Variants in IL23R observed in about 807,000 individuals in gnomAD.
IL23R encodes interleukin 23 receptor.
Under a neutral mutation model 56.9 loss-of-function variants are expected in IL23R, and 34 were observed. That is an observed-to-expected ratio of 0.60 (90% CI 0.45 to 0.80). IL23R has a LOEUF of 0.80. Ranked by LOEUF, IL23R falls within the 30% of genes least tolerant of loss-of-function variation. IL23R has a pLI of 0.00. For missense variants in IL23R, 635 were observed against 730.0 expected (o/e 0.87, Z 1.50); for synonymous variants, 230 against 249.2 (o/e 0.92, Z 0.73).
At chr1:67,260,709 A>G (rs1342536164), downstream of IL23R, among the ~76,000 whole-genome samples, 1 of 152,184 alleles carries the variant, frequency 6.6e-6, no homozygotes, top group Non-Finnish European at 1.5e-5. Flanking sequence ...ATGGGCAAGG[A>G]CAACTTTTCT....
chr1:67,240,426 G>A, intron 9 of IL23R, 145 bp downstream of exon 9: 2 of 659,600 alleles, frequency 3.0e-6, no homozygotes, highest in Non-Finnish European at 5.4e-6. Flanking sequence ...TGTTTAATAA[G>A]TACTTACCCA....
intron 6 of IL23R, among the ~76,000 whole-genome samples, chr1:67,217,354 G>A (rs1649914496): frequency 6.6e-6 from 1 of 152,080 alleles, no homozygotes; most frequent in Admixed American, 6.5e-5. Flanking sequence ...TACTTGCAGG[G>A]CCCTAAGCAG....
chr1:67,182,685 A>G (rs1647166841), intron 3 of IL23R, 151 bp from the exon 4 acceptor site: 1 of 789,182 alleles, frequency 1.3e-6, no homozygotes, highest in African/African-American at 1.7e-5. Context: ...TGAACCCGGT[A>G]CCTCAGTTGG....
chr1:67,201,679 G>T (rs1648653060), intron 5 of IL23R, among the ~76,000 whole-genome samples: 1 of 151,306 alleles, frequency 6.6e-6, no homozygotes, highest in Non-Finnish European at 1.5e-5. Flanking sequence ...AGGTTTTTTT[G>T]TTTGTTTGTT....
intron 6 of IL23R, among the ~76,000 whole-genome samples, chr1:67,214,783 T>G (rs568410718): frequency 6.6e-6 from 1 of 152,340 alleles, no homozygotes; most frequent in African/African-American, 2.4e-5. Flanking sequence ...TTTATATTTT[T>G]TTATACTCAG....
At chr1:67,241,160 G>C (rs1480972057) in intron 9 of IL23R, among the ~76,000 whole-genome samples, 1 of 152,198 alleles carries the variant, frequency 6.6e-6, no homozygotes, top group East Asian at 1.9e-4. Flanking sequence ...TCTCAATTTT[G>C]AGAGATTGAC....
chr1:67,222,102 C>CTTTCTTTTT (rs1440089182), intron 7 of IL23R, among the ~76,000 whole-genome samples: 4 of 58,898 alleles, frequency 6.8e-5, no homozygotes, highest in African/African-American at 2.5e-4. Flanking sequence ...TTCTTTCTTT[C>CTTTCTTTTT]TTTTTTTTTT....
chr1:67,209,116 G>A (rs1389723904), intron 6 of IL23R, among the ~76,000 whole-genome samples: 3 of 152,128 alleles, frequency 2.0e-5, no homozygotes, highest in Admixed American at 6.5e-5. Flanking sequence ...CATTTGGAAT[G>A]GCTGTATTAC....
intron 1 of IL23R, among the ~76,000 whole-genome samples, chr1:67,167,872 T>C (rs765130607): frequency 6.6e-6 from 1 of 152,220 alleles, no homozygotes; most frequent in African/African-American, 2.4e-5. Context: ...TAAAATTCCA[T>C]TTATTTGCTT....
chr1:67,170,263 A>T (rs1646927033), intron 3 of IL23R, among the ~76,000 whole-genome samples: 1 of 152,214 alleles, frequency 6.6e-6, no homozygotes, highest in African/African-American at 2.4e-5. Context: ...ATTTGGAAGC[A>T]TATGATAAAG....
At chr1:67,245,768 T>TTTTTTTTTTTTTTTTGTTGTG (rs1652177644) in intron 9 of IL23R, among the ~76,000 whole-genome samples, 2 of 152,186 alleles carry the variant, frequency 1.3e-5, no homozygotes, top group Non-Finnish European at 2.9e-5. Flanking sequence ...GCCTAAAATT[T>TTTTTTTTTTTTTTTTGTTGTG]TCTTTTTTTT....
At chr1:67,182,791 T>G in intron 3 of IL23R, 45 bp from the exon 4 acceptor site, 1 of 1,611,944 alleles carries the variant, frequency 6.2e-7, no homozygotes, top group Non-Finnish European at 8.5e-7. Flanking sequence ...ACCAGAGAAC[T>G]TCGTATTTCT....
At chr1:67,227,416 G>T (rs1650690798) in intron 7 of IL23R, among the ~76,000 whole-genome samples, 1 of 135,820 alleles carries the variant, frequency 7.4e-6, no homozygotes, top group Non-Finnish European at 1.6e-5. Flanking sequence ...GTTTCCCAGA[G>T]AACTCATATT....
chr1:67,233,102 AT>A (rs2100296456), intron 7 of IL23R, among the ~76,000 whole-genome samples: 1 of 142,460 alleles, frequency 7.0e-6, no homozygotes, highest in East Asian at 2.1e-4. Context: ...TAATCCCAGC[AT>A]TTTGGGAGGC....
At position 67,227,986 on chromosome 1, in the gene IL23R, CTT is replaced by C. The variant is rs758314406; in HGVS notation, c.955+8258_955+8259del. ...TCTTTCTTTCTTTCTTTCTTTCTTT[CTT>C]TCTTTCTTTCTTTCTTTCTTTCTTT... On this transcript the variant is annotated intron_variant, in intron 7 of 10. Coordinates refer to ENST00000347310, the MANE Select transcript of IL23R (RefSeq NM_144701.3). Among the ~76,000 whole-genome samples, 135 of 98,496 alleles carry C rather than the reference CTT, an allele frequency of 1.4e-3. 6 individuals are homozygous for C. Among genetic ancestry groups the C allele is most frequent in the Admixed American group, 4.0e-3 (34 of 8,526 alleles). The allele number at this position is 98,496 out of a possible 152,430, so 64.6% of individuals were successfully genotyped here. A position where few individuals can be genotyped will look rare whatever the true frequency, so the allele number is the denominator to read the frequency against.
At chr1:67,262,485 A>G (rs1487662937), downstream of IL23R, among the ~76,000 whole-genome samples, 1 of 152,180 alleles carries the variant, frequency 6.6e-6, no homozygotes, top group Non-Finnish European at 1.5e-5. Flanking sequence ...ACTGATGTTC[A>G]TCTGAGTCTC....
intron 1 of IL23R, among the ~76,000 whole-genome samples, chr1:67,139,531 C>A (rs958437162): frequency 1.3e-5 from 2 of 152,108 alleles, no homozygotes; most frequent in Non-Finnish European, 2.9e-5. Context: ...GCTTTTTCCC[C>A]ATAAGTCTTT....
chr1:67,143,540 A>G (rs1223713055), intron 1 of IL23R, among the ~76,000 whole-genome samples: 1 of 152,206 alleles, frequency 6.6e-6, no homozygotes, highest in Non-Finnish European at 1.5e-5. Context: ...GATGTAGAAC[A>G]CAGTGCAGAA....
chr1:67,158,164 C>T (rs370622146), intron 1 of IL23R, among the ~76,000 whole-genome samples: 102 of 151,524 alleles, frequency 6.7e-4, no homozygotes, highest in Middle Eastern at 3.4e-3. Flanking sequence ...TGCAGTGAGC[C>T]GAGACTGTGC....
Sources: allele counts gnomAD v4.1 joint callset (sites outside exome capture counted in the v4.1 genomes callset), GRCh38; gene constraint gnomAD v4.1.1; transcripts MANE v1.5; gene names NCBI Gene and HGNC (gene_info 2026-07-23, HGNC 2026-07-21).